Variants in OTUD7A observed in about 807,000 individuals in gnomAD.
OTUD7A encodes the protein OTU domain-containing protein 7A.
OTUD7A carries 12 observed loss-of-function variants against 65.7 expected under a neutral mutation model. The ratio of observed to expected loss-of-function variants is 0.18; its 90% CI spans 0.12 to 0.30. OTUD7A has a LOEUF of 0.30. Among genes scored for constraint, OTUD7A ranks in the 10% least tolerant of loss-of-function variants. The probability of loss-of-function intolerance (pLI) is 1.00; values close to 1 mark genes in which losing one functional copy is unlikely to be tolerated. For synonymous variants in OTUD7A, 641 were observed against 586.3 expected, an observed-to-expected ratio of 1.09 and a Z score of -1.35; for missense variants, 1,148 against 1,304.8, an observed-to-expected ratio of 0.88 and a Z score of 1.85.
chr15:31,719,549 C>G (rs1182861333), intron 1 of OTUD7A, among the ~76,000 whole-genome samples: 1 of 152,172 alleles, frequency 6.6e-6, no homozygotes, highest in African/African-American at 2.4e-5. Flanking sequence ...CAGCCCTCCT[C>G]TTGGCACTGT....
chr15:31,772,222 A>T (rs1444602135), intron 1 of OTUD7A, among the ~76,000 whole-genome samples: 2 of 147,832 alleles, frequency 1.4e-5, no homozygotes, highest in African/African-American at 2.5e-5. Flanking sequence ...ACTGCACTCC[A>T]GCCTGGGCGA....
chr15:31,643,595 A>G (rs1891580172), intron 3 of OTUD7A, among the ~76,000 whole-genome samples: 1 of 152,168 alleles, frequency 6.6e-6, no homozygotes, highest in South Asian at 2.1e-4. Flanking sequence ...TAATTTTAAC[A>G]TCTCTAGCAG....
intron 1 of OTUD7A, among the ~76,000 whole-genome samples, chr15:31,816,230 A>G (rs1340304557): frequency 2.0e-5 from 3 of 152,190 alleles, no homozygotes; most frequent in African/African-American, 7.2e-5. Flanking sequence ...TAGAGGGCCC[A>G]CAGGTACACA....
At chr15:31,692,759 T>G (rs1280056007) in intron 1 of OTUD7A, among the ~76,000 whole-genome samples, 1 of 151,258 alleles carries the variant, frequency 6.6e-6, no homozygotes, top group Non-Finnish European at 1.5e-5. Context: ...AAATGCCATG[T>G]TTGTCACGAA....
chr15:31,573,477 A>G (rs1171994187), intron 3 of OTUD7A, among the ~76,000 whole-genome samples: 2 of 152,256 alleles, frequency 1.3e-5, no homozygotes, highest in Non-Finnish European at 2.9e-5. Flanking sequence ...GATACAAGTG[A>G]TGAAGAAGAA....
Position 31,768,264 on chromosome 15 carries a change from G to A in OTUD7A, c.-100+102243C>T, listed in dbSNP as rs573409690. On this transcript the variant is annotated intron_variant, in intron 1 of 12. Coordinates refer to ENST00000307050, the MANE Select transcript of OTUD7A (RefSeq NM_001382637.1). ...GGTGACACTCAAGACCCAGCAGCCCGGGCAGCGGCGAGTCTCGGCACAACC... is the reference window on the plus strand; with the variant it reads ...GGTGACACTCAAGACCCAGCAGCCCAGGCAGCGGCGAGTCTCGGCACAACC... The A allele has an allele frequency of 7.3e-5, 56 of 769,228 alleles. 1 individual carries two copies. Among genetic ancestry groups the A allele is most frequent in the East Asian group, 4.2e-4 (17 of 40,512 alleles). The allele number at this position is 769,228 out of a possible 1,614,324, so 47.7% of individuals were successfully genotyped here. A position where few individuals can be genotyped will look rare whatever the true frequency, so the allele number is the denominator to read the frequency against.
At chr15:31,851,849 TTTG>T (rs1168720553) in intron 1 of OTUD7A, among the ~76,000 whole-genome samples, 1 of 151,532 alleles carries the variant, frequency 6.6e-6, no homozygotes, top group African/African-American at 2.4e-5. Flanking sequence ...TTGTGTTTTG[TTTG>T]TTTTGTTTTG....
At chr15:31,649,064 T>C (rs1269164868) in intron 3 of OTUD7A, among the ~76,000 whole-genome samples, 1 of 152,192 alleles carries the variant, frequency 6.6e-6, no homozygotes, top group Non-Finnish European at 1.5e-5. Flanking sequence ...CCCAGCCTCT[T>C]CCTGCCTGTA....
chr15:31,740,273 G>A (rs1894304722), intron 1 of OTUD7A, among the ~76,000 whole-genome samples: 2 of 152,168 alleles, frequency 1.3e-5, no homozygotes, highest in Non-Finnish European at 2.9e-5. Context: ...AGGTGGGGTC[G>A]CAGCTGAGGC....
At chr15:31,625,268 A>G (rs1184025262) in intron 3 of OTUD7A, among the ~76,000 whole-genome samples, 1 of 152,134 alleles carries the variant, frequency 6.6e-6, no homozygotes, top group Non-Finnish European at 1.5e-5. Context: ...CAGTTACACC[A>G]CGCTTGGATT....
At chr15:31,846,440 T>C (rs536160042) in intron 1 of OTUD7A, among the ~76,000 whole-genome samples, 1 of 151,966 alleles carries the variant, frequency 6.6e-6, no homozygotes, top group South Asian at 2.1e-4. Flanking sequence ...CAGAGTAAAA[T>C]TGTGAAGGGA....
rs531951429 is a variant in OTUD7A, at chr15:31,633,058, C to A, written c.151+22038G>T. Among the ~76,000 whole-genome samples, 3 of 152,348 alleles carry A rather than the reference C, an allele frequency of 2.0e-5. No homozygotes were observed. In the East Asian group the frequency reaches 5.8e-4, roughly 29 times the overall value. ...TTGACTAGGAAAGGGAATTCCCTGA[C>A]CCCTTGAGCTTCCCGAGTGAGGCAA... On this transcript the variant is annotated intron_variant, in intron 3 of 12. Coordinates refer to ENST00000307050, the MANE Select transcript of OTUD7A (RefSeq NM_001382637.1).
chr15:31,863,173 A>G (rs1404588053), intron 1 of OTUD7A, among the ~76,000 whole-genome samples: 2 of 152,194 alleles, frequency 1.3e-5, no homozygotes, highest in Non-Finnish European at 2.9e-5. Flanking sequence ...TGTGCAGGGT[A>G]CAGCCTCCCT....
intron 3 of OTUD7A, among the ~76,000 whole-genome samples, chr15:31,591,612 G>A (rs1889726396): frequency 6.6e-6 from 1 of 152,154 alleles, no homozygotes; most frequent in Non-Finnish European, 1.5e-5. Flanking sequence ...CATGCTGACT[G>A]CAGGTCGTGA....
At chr15:31,682,001 T>C (rs1049300004) in intron 1 of OTUD7A, among the ~76,000 whole-genome samples, 2 of 152,046 alleles carry the variant, frequency 1.3e-5, no homozygotes, top group Non-Finnish European at 2.9e-5. Flanking sequence ...CATGCTAGAC[T>C]GGAGTGGAGG....
chr15:31,592,907 ATATATATATAT>A lies in OTUD7A; in HGVS notation c.152-22721_152-22711del, dbSNP rs1889784480. ...AAAAAAAAAAAAAAAAAAAAAAAAT[ATATATATATAT>A]ATATATATATATATATATGTATATA... On this transcript the variant is annotated intron_variant, in intron 3 of 12. Coordinates refer to ENST00000307050, the MANE Select transcript of OTUD7A (RefSeq NM_001382637.1). Among the ~76,000 whole-genome samples, 259 of 48,910 alleles carry A rather than the reference ATATATATATAT, an allele frequency of 5.3e-3. 6 individuals are homozygous for A. The highest frequency in any genetic ancestry group is 0.032 in the East Asian group (44 of 1,396). The allele number at this position is 48,910 out of a possible 152,430, so 32.1% of individuals were successfully genotyped here. A position where few individuals can be genotyped will look rare whatever the true frequency, so the allele number is the denominator to read the frequency against.
At chr15:31,569,630 T>C (rs1888982715) in intron 4 of OTUD7A, among the ~76,000 whole-genome samples, 1 of 152,184 alleles carries the variant, frequency 6.6e-6, no homozygotes, top group East Asian at 1.9e-4. Flanking sequence ...AGAAAAAGGA[T>C]AGAGAAGATG....
chr15:31,655,090 G>T lies in OTUD7A; in HGVS notation c.151+6C>A. ...GGTGGTGTGGGGAACAAGGAGGTGGGCTTACCTTCCAGCAGGTCTCTGGCC... is the reference window on the plus strand; with the variant it reads ...GGTGGTGTGGGGAACAAGGAGGTGGTCTTACCTTCCAGCAGGTCTCTGGCC... On this transcript the variant is annotated splice_donor_region_variant and intron_variant, in intron 3 of 12. Transcript: ENST00000307050. 6.2e-7 allele frequency: 1 copy of T among 1,607,534 alleles called. No individual in the cohort carries two copies.
intron 2 of OTUD7A, among the ~76,000 whole-genome samples, chr15:31,656,231 G>C (rs987956050): frequency 6.6e-6 from 1 of 152,350 alleles, no homozygotes; most frequent in Middle Eastern, 3.4e-3. Context: ...GACATTACAA[G>C]TGAGAGTAAC....
Sources: gnomAD v4.1 joint callset for allele counts (sites outside exome capture counted in the v4.1 genomes callset) on GRCh38, gnomAD v4.1.1 for gene constraint, MANE v1.5 for transcripts, NCBI Gene and HGNC (gene_info 2026-07-23, HGNC 2026-07-21) for gene names.